LCORL: variants seen among roughly 807,000 people sequenced by gnomAD.
LCORL encodes ligand dependent nuclear receptor corepressor like, also known as ligand-dependent nuclear receptor corepressor-like protein.
In LCORL, 41 loss-of-function variants were observed where a neutral mutation model predicts 141.8. The observed-to-expected ratio is 0.29, with a 90% CI of 0.23 to 0.38. The LOEUF is 0.38. Among genes scored for constraint, LCORL ranks in the 10% least tolerant of loss-of-function variants. LCORL has a pLI of 1.00. For missense variants in LCORL, 1,759 were observed against 2,035.0 expected, an observed-to-expected ratio of 0.86 and a Z score of 2.61; for synonymous variants, 618 against 694.1, an observed-to-expected ratio of 0.89 and a Z score of 1.72.
At chr4:17,853,930 C>T (rs575140846) in intron 7 of LCORL, among the ~76,000 whole-genome samples, 10 of 152,150 alleles carry the variant, frequency 6.6e-5, no homozygotes, top group African/African-American at 2.2e-4. Flanking sequence ...CAGGGGTTTG[C>T]GGCTTGGTAA....
At chr4:17,992,847 C>G (rs1720261250) in intron 1 of LCORL, among the ~76,000 whole-genome samples, 1 of 152,146 alleles carries the variant, frequency 6.6e-6, no homozygotes, top group Admixed American at 6.5e-5. Context: ...AATCTTTATA[C>G]TTTGTTAGAA....
At chr4:17,934,305 A>C (rs1167480107) in intron 4 of LCORL, among the ~76,000 whole-genome samples, 1 of 152,098 alleles carries the variant, frequency 6.6e-6, no homozygotes, top group Non-Finnish European at 1.5e-5. Context: ...GGTGAAACTG[A>C]GGGTATGGGG....
chr4:17,953,459 A>T (rs1711879970), intron 4 of LCORL, among the ~76,000 whole-genome samples: 1 of 152,224 alleles, frequency 6.6e-6, no homozygotes, highest in Non-Finnish European at 1.5e-5. Context: ...GATGTACAAA[A>T]TCACTGAAAG....
chr4:17,912,753 G>T (rs925260463), intron 4 of LCORL: 1 of 415,212 alleles, frequency 2.4e-6, no homozygotes, highest in East Asian at 6.2e-5. Context: ...GCACAGACCC[G>T]GGCAAAGAGG....
exon 7 of LCORL, chr4:17,876,658 G>T: frequency 8.1e-7 from 1 of 1,230,690 alleles, no homozygotes; most frequent in Non-Finnish European, 1.0e-6. Flanking sequence ...CACCCTGGAG[G>T]CACAATATTT....
At chr4:17,890,563 A>G (rs1248217647) in intron 5 of LCORL, among the ~76,000 whole-genome samples, 2 of 152,082 alleles carry the variant, frequency 1.3e-5, no homozygotes, top group African/African-American at 2.4e-5. Context: ...CTGTATATTC[A>G]AAATTTTTAC....
chr4:17,899,523 A>G (rs1156749316), intron 5 of LCORL, among the ~76,000 whole-genome samples: 1 of 152,218 alleles, frequency 6.6e-6, no homozygotes, highest in Non-Finnish European at 1.5e-5. Flanking sequence ...GTAGGCAGGA[A>G]CAAAATCTTG....
exon 7 of LCORL, chr4:17,876,959 T>C: frequency 8.1e-7 from 1 of 1,230,786 alleles, no homozygotes; most frequent in Non-Finnish European, 1.0e-6. Context: ...TTTTAGAATT[T>C]TGTAAAGAAG....
At position 17,842,017 on chromosome 4, in the gene LCORL, A is replaced by G. The variant is rs1482372758; in HGVS notation, c.*3871T>C. ...CTTCATTATAACACATTTTTCATAT[A>G]CTGTCCTCAAATACATTGAACTAAA... On this transcript the variant is annotated 3_prime_UTR_variant, in exon 8 of 8. Transcript: ENST00000635767. The G allele has an allele frequency of 1.4e-5, 4 of 291,214 alleles. 1 individual carries two copies. The highest frequency in any genetic ancestry group is 2.0e-5 in the Non-Finnish European group (3 of 151,080). The allele number at this position is 291,214 out of a possible 1,614,324, so 18.0% of individuals were successfully genotyped here. A position where few individuals can be genotyped will look rare whatever the true frequency, so the allele number is the denominator to read the frequency against.
rs908242099 is a variant in LCORL, at chr4:17,980,171, G to A, written c.155-7286C>T. 1.6e-4 allele frequency among the ~76,000 whole-genome samples: 24 copies of A among 152,242 alleles called. 1 individual carries two copies. Among genetic ancestry groups the A allele is most frequent in the Admixed American group, 1.4e-3 (21 of 15,284 alleles). On this transcript the variant is annotated intron_variant, in intron 1 of 7. Coordinates refer to ENST00000635767, the Ensembl canonical transcript of LCORL. ...ACGTGCCACTAAACTTGTGGTATTCGTTACAACACTAATAGGAAACTCATA... is the reference window on the plus strand; with the variant it reads ...ACGTGCCACTAAACTTGTGGTATTCATTACAACACTAATAGGAAACTCATA...
intron 6 of LCORL, chr4:17,880,320 A>G: frequency 2.1e-6 from 1 of 469,660 alleles, no homozygotes; most frequent in Non-Finnish European, 2.8e-6. Flanking sequence ...TGAGTAAATA[A>G]TAGTTGAACA....
intron 4 of LCORL, among the ~76,000 whole-genome samples, chr4:17,942,184 A>C (rs1244373283): frequency 2.0e-5 from 3 of 152,206 alleles, no homozygotes; most frequent in Non-Finnish European, 4.4e-5. Flanking sequence ...TTGTTTCCAA[A>C]GAAAAGCAAA....
exon 8 of LCORL, chr4:17,843,490 T>C (rs1722631256): frequency 1.3e-6 from 2 of 1,555,824 alleles, no homozygotes; most frequent in Middle Eastern, 1.7e-4. Context: ...AAAGAAGAAG[T>C]TACCCTTGTC....
At chr4:17,883,876 A>G (rs1727936098) in intron 6 of LCORL, 1 of 1,550,430 alleles carries the variant, frequency 6.4e-7, no homozygotes, top group Admixed American at 2.0e-5. Context: ...GAGGTACCCC[A>G]TAAATTCCTT....
chr4:17,917,723 C>T (rs556178492), intron 4 of LCORL, among the ~76,000 whole-genome samples: 7 of 152,224 alleles, frequency 4.6e-5, no homozygotes, highest in Admixed American at 2.6e-4. Context: ...GGGTCTCTTG[C>T]GGGTTGTTGT....
At chr4:17,901,407 C>A (rs1232342138) in intron 5 of LCORL, among the ~76,000 whole-genome samples, 1 of 151,558 alleles carries the variant, frequency 6.6e-6, no homozygotes, top group African/African-American at 2.4e-5. Flanking sequence ...ACAACAAAAT[C>A]CTGAGAGTTT....
intron 6 of LCORL, among the ~76,000 whole-genome samples, chr4:17,879,049 C>G (rs1727224579): frequency 6.6e-6 from 1 of 151,060 alleles, no homozygotes; most frequent in Non-Finnish European, 1.5e-5. Flanking sequence ...TCACCAAACT[C>G]TGTACATGAA....
At chr4:17,866,198 C>T (rs1007714610) in intron 7 of LCORL, among the ~76,000 whole-genome samples, 12 of 152,180 alleles carry the variant, frequency 7.9e-5, no homozygotes, top group Non-Finnish European at 4.4e-5. Flanking sequence ...CTTCTTCCTA[C>T]CCTACTGGTT....
At chr4:18,009,535 C>T (rs1423647876) in intron 1 of LCORL, among the ~76,000 whole-genome samples, 1 of 152,030 alleles carries the variant, frequency 6.6e-6, no homozygotes, top group African/African-American at 2.4e-5. Context: ...GGCTCTAATA[C>T]CTTGGACTCA....
Sources: allele counts gnomAD v4.1 joint callset (sites outside exome capture counted in the v4.1 genomes callset), GRCh38; gene constraint gnomAD v4.1.1; transcripts MANE v1.5; gene names NCBI Gene and HGNC (gene_info 2026-07-23, HGNC 2026-07-21).